KCTD16: variants seen among roughly 807,000 people sequenced by gnomAD.
KCTD16 encodes potassium channel tetramerization domain containing 16.
In KCTD16, 13 loss-of-function variants were observed where a neutral mutation model predicts 33.2. That is an observed-to-expected ratio of 0.39 (90% confidence interval 0.25 to 0.62). The LOEUF is 0.62. KCTD16 is among the 20% of genes least tolerant of loss of function. The pLI, the probability that KCTD16 is intolerant of heterozygous loss-of-function variation, is 0.50. For missense variants in KCTD16, 441 were observed against 525.1 expected (o/e 0.84, Z 1.57); for synonymous variants, 197 against 195.3 (o/e 1.01, Z -0.07).
chr5:144,359,253 C>T (rs957426863), intron 3 of KCTD16, among the ~76,000 whole-genome samples: 1 of 152,160 alleles, frequency 6.6e-6, no homozygotes, highest in African/African-American at 2.4e-5. Flanking sequence ...AAGTTCTGTT[C>T]ATTATAAACA....
intron 2 of KCTD16, among the ~76,000 whole-genome samples, chr5:144,200,851 C>T (rs1231503473): frequency 2.6e-5 from 4 of 152,190 alleles, no homozygotes; most frequent in Non-Finnish European, 5.9e-5. Flanking sequence ...ATTCTCCCCC[C>T]TCAGCCTCCC....
intron 3 of KCTD16, among the ~76,000 whole-genome samples, chr5:144,282,155 C>A (rs1215701811): frequency 6.6e-6 from 1 of 152,170 alleles, no homozygotes; most frequent in Non-Finnish European, 1.5e-5. Context: ...CACCTCCCAA[C>A]CTCTAGGAAG....
intron 3 of KCTD16, among the ~76,000 whole-genome samples, chr5:144,439,746 T>C (rs1753659212): frequency 6.6e-6 from 1 of 152,104 alleles, no homozygotes; most frequent in Non-Finnish European, 1.5e-5. Context: ...CAGAACACAC[T>C]TGGTAGCTGG....
At chr5:144,382,328 C>A (rs1561587341) in intron 3 of KCTD16, among the ~76,000 whole-genome samples, 1 of 152,058 alleles carries the variant, frequency 6.6e-6, no homozygotes, top group African/African-American at 2.4e-5. Flanking sequence ...AAAACCCCAG[C>A]AATACGCAAT....
At chr5:144,417,821 C>G (rs1006983691) in intron 3 of KCTD16, among the ~76,000 whole-genome samples, 4 of 151,996 alleles carry the variant, frequency 2.6e-5, no homozygotes, top group Admixed American at 2.6e-4. Flanking sequence ...TATGGATATG[C>G]AGTTATTTTG....
chr5:144,231,160 T>C (rs1459031250), intron 3 of KCTD16, among the ~76,000 whole-genome samples: 2 of 152,176 alleles, frequency 1.3e-5, no homozygotes, highest in Non-Finnish European at 2.9e-5. Flanking sequence ...TTAGTTAAAT[T>C]CATGTCGCTG....
intron 3 of KCTD16, among the ~76,000 whole-genome samples, chr5:144,339,922 T>C (rs1752585024): frequency 1.3e-5 from 2 of 152,122 alleles, no homozygotes; most frequent in Non-Finnish European, 2.9e-5. Context: ...CCTCTCTCAA[T>C]AGTGAGTAAT....
chr5:144,279,051 C>A (rs1755529835), intron 3 of KCTD16, among the ~76,000 whole-genome samples: 1 of 152,074 alleles, frequency 6.6e-6, no homozygotes, highest in Non-Finnish European at 1.5e-5. Flanking sequence ...TATCCCTAAG[C>A]ATTTCATTTC....
chr5:144,428,855 G>T (rs1388202999), intron 3 of KCTD16, among the ~76,000 whole-genome samples: 1 of 152,170 alleles, frequency 6.6e-6, no homozygotes. Flanking sequence ...GGCAGATGCT[G>T]TTCCTTAATA....
intron 3 of KCTD16, among the ~76,000 whole-genome samples, chr5:144,231,289 C>T (rs1359023164): frequency 6.6e-6 from 1 of 151,826 alleles, no homozygotes; most frequent in African/African-American, 2.4e-5. Flanking sequence ...TTCTCTTCAT[C>T]CATGTATTTG....
chr5:144,278,093 T>C (rs1755487642), intron 3 of KCTD16, among the ~76,000 whole-genome samples: 1 of 152,164 alleles, frequency 6.6e-6, no homozygotes, highest in Non-Finnish European at 1.5e-5. Context: ...AAGAACTCTT[T>C]GTCTAACACA....
At chr5:144,451,042 G>A (rs1753929935) in intron 3 of KCTD16, among the ~76,000 whole-genome samples, 1 of 152,094 alleles carries the variant, frequency 6.6e-6, no homozygotes, top group African/African-American at 2.4e-5. Flanking sequence ...TATCTTGCTT[G>A]TGGTTTGTGG....
intron 3 of KCTD16, among the ~76,000 whole-genome samples, chr5:144,291,917 T>C (rs1404274025): frequency 6.6e-6 from 1 of 152,224 alleles, no homozygotes; most frequent in Non-Finnish European, 1.5e-5. Context: ...ATTCTCAAAA[T>C]ATTGTTTAAA....
chr5:144,352,122 A>G (rs1207131230), intron 3 of KCTD16, among the ~76,000 whole-genome samples: 1 of 152,216 alleles, frequency 6.6e-6, no homozygotes, highest in East Asian at 1.9e-4. Flanking sequence ...TCAAAACATC[A>G]TGTTGTATAC....
At chr5:144,463,544 C>T (rs1754251701) in intron 3 of KCTD16, among the ~76,000 whole-genome samples, 1 of 152,138 alleles carries the variant, frequency 6.6e-6, no homozygotes, top group South Asian at 2.1e-4. Flanking sequence ...GAAGAAGCTG[C>T]AAGTTACCAG....
chr5:144,309,347 C>T (rs1039446468), intron 3 of KCTD16, among the ~76,000 whole-genome samples: 12 of 151,148 alleles, frequency 7.9e-5, no homozygotes, highest in Non-Finnish European at 2.9e-5. Flanking sequence ...AGACCCAGGG[C>T]ATTCATATCT....
chr5:144,349,095 G>T (rs898855060), intron 3 of KCTD16, among the ~76,000 whole-genome samples: 2 of 152,100 alleles, frequency 1.3e-5, no homozygotes, highest in African/African-American at 4.8e-5. Context: ...ATATTAATCT[G>T]GGCTGTTGGG....
intron 3 of KCTD16, among the ~76,000 whole-genome samples, chr5:144,310,104 A>C (rs1293326123): frequency 6.6e-6 from 1 of 151,798 alleles, no homozygotes; most frequent in East Asian, 1.9e-4. Flanking sequence ...CTCTACCTCC[A>C]TAAGATCCAC....
At chr5:144,236,527 T>C (rs970329921) in intron 3 of KCTD16, among the ~76,000 whole-genome samples, 1 of 152,154 alleles carries the variant, frequency 6.6e-6, no homozygotes, top group Non-Finnish European at 1.5e-5. Flanking sequence ...AGCTCTCTTA[T>C]AGTAATATAG....
Sources: gnomAD v4.1 joint callset for allele counts (sites outside exome capture counted in the v4.1 genomes callset) on GRCh38, gnomAD v4.1.1 for gene constraint, MANE v1.5 for transcripts, NCBI Gene and HGNC (gene_info 2026-07-23, HGNC 2026-07-21) for gene names.